CLCN5: variants seen among roughly 807,000 people sequenced by gnomAD.
CLCN5 encodes the protein Cl-/H+ antiporter 5.
CLCN5 carries 17 observed loss-of-function variants against 54.0 expected under a neutral mutation model. That is an observed-to-expected ratio of 0.31 (90% CI 0.22 to 0.47). The LOEUF is 0.47. CLCN5 is among the 20% of genes least tolerant of loss of function. CLCN5 has a pLI of 1.00. For synonymous variants in CLCN5, 222 were observed against 233.0 expected, an observed-to-expected ratio of 0.95 and a Z score of 0.43; for missense variants, 448 against 646.7, an observed-to-expected ratio of 0.69 and a Z score of 3.33.
chrX:49,939,744 A>T (rs1175984709), intron 3 of CLCN5, among the ~76,000 whole-genome samples: 3 of 111,370 alleles, frequency 2.7e-5, no homozygotes, highest in Non-Finnish European at 5.7e-5. Context: ...CATATGTAAC[A>T]AACCTGCACA....
intron 4 of CLCN5, among the ~76,000 whole-genome samples, chrX:50,052,536 G>A (rs2089957139): frequency 9.0e-6 from 1 of 111,219 alleles, no homozygotes. Context: ...TTTTCATATC[G>A]TTTAATGTTG....
At chrX:50,014,669 C>T (rs781957096) in intron 3 of CLCN5, 1 of 341,564 alleles carries the variant, frequency 2.9e-6, no homozygotes, top group Non-Finnish European at 5.9e-6. Flanking sequence ...GGCAAGGATT[C>T]AGAGAGGGGG....
intron 4 of CLCN5, among the ~76,000 whole-genome samples, chrX:50,047,529 A>G (rs185279773): frequency 9.0e-6 from 1 of 111,661 alleles, no homozygotes; most frequent in Admixed American, 9.5e-5. Context: ...GCCAAATTTT[A>G]GAATTGATGT....
intron 11 of CLCN5, among the ~76,000 whole-genome samples, chrX:50,088,140 C>A (rs901553264): frequency 8.9e-6 from 1 of 112,165 alleles, no homozygotes; most frequent in African/African-American, 3.2e-5. Context: ...TGGTTATGAG[C>A]ATTCCATTTA....
At chrX:49,957,938 T>C (rs782732274) in intron 3 of CLCN5, among the ~76,000 whole-genome samples, 76 of 109,381 alleles carry the variant, frequency 6.9e-4, no homozygotes, top group Non-Finnish European at 9.5e-4. Flanking sequence ...GCAGGGCTTA[T>C]TGATAGAGAG....
Position 50,072,475 on chromosome X carries a change from T to C in CLCN5, c.316-14T>C, listed in dbSNP as rs782426163. 1 of 1,130,795 alleles carries C rather than the reference T, an allele frequency of 8.8e-7. No individual in the cohort carries two copies. Among genetic ancestry groups the C allele is most frequent in the East Asian group, 3.0e-5 (1 of 33,516 alleles). The allele number at this position is 1,130,795 out of a possible 1,213,427, so 93.2% of individuals were successfully genotyped here. On this transcript the variant is annotated splice_polypyrimidine_tract_variant and intron_variant, in intron 5 of 14. Transcript: ENST00000376091. ...GTGTGTAGAGTGTACCAATGTTTTC[T>C]CATTTTCCCCTAGATTACCAATAAA...
chrX:50,026,986 G>A (rs1449878730), intron 3 of CLCN5, among the ~76,000 whole-genome samples: 1 of 107,246 alleles, frequency 9.3e-6, no homozygotes, highest in Admixed American at 9.9e-5. Context: ...ATTACTTTAT[G>A]TATTTCTTCT....
intron 4 of CLCN5, among the ~76,000 whole-genome samples, chrX:50,058,189 T>C (rs781821511): frequency 1.9e-4 from 21 of 111,798 alleles, no homozygotes; most frequent in Non-Finnish European, 3.6e-4. Flanking sequence ...CCCTGCCCCA[T>C]TTCTTTGAAT....
chrX:50,052,999 C>G lies in CLCN5; in HGVS notation c.163+10537C>G, dbSNP rs782017532. Reference sequence around the variant, plus strand: ...TTTGTGTATTTTGGGATTTCTAGCTCTCTTTGTTTAATTAATTAATCTCTA... The same window carrying G: ...TTTGTGTATTTTGGGATTTCTAGCTGTCTTTGTTTAATTAATTAATCTCTA... On this transcript the variant is annotated intron_variant, in intron 4 of 14. Transcript: ENST00000376091. Among the ~76,000 whole-genome samples, 4 of 111,710 alleles carry G rather than the reference C, an allele frequency of 3.6e-5. No homozygotes were observed. The East Asian group carries it at 1.1e-3, about 31-fold the overall frequency.
At chrX:49,992,208 CTTTTTTTT>C (rs200172433) in intron 3 of CLCN5, among the ~76,000 whole-genome samples, 1 of 84,219 alleles carries the variant, frequency 1.2e-5, no homozygotes, top group Non-Finnish European at 2.4e-5. Flanking sequence ...CTCTTTTTTT[CTTTTTTTT>C]TTTTTTTTGC....
intron 3 of CLCN5, among the ~76,000 whole-genome samples, chrX:49,930,241 T>G (rs1925573984): frequency 8.9e-6 from 1 of 112,008 alleles, no homozygotes; most frequent in Middle Eastern, 4.2e-3. Flanking sequence ...TGGCAAGGAC[T>G]CAAGGAAGCA....
intron 3 of CLCN5, among the ~76,000 whole-genome samples, chrX:50,000,865 A>G (rs1929765742): frequency 8.9e-6 from 1 of 111,946 alleles, no homozygotes; most frequent in African/African-American, 3.2e-5. Context: ...TCCATAGAAG[A>G]AAACTCACAC....
intron 3 of CLCN5, chrX:50,009,829 A>G (rs1557182228): frequency 1.3e-5 from 5 of 380,928 alleles, no homozygotes; most frequent in Admixed American, 1.3e-4. Context: ...AGAACAGAAG[A>G]TCTGTATGTC....
At chrX:50,027,880 T>A (rs1452327430) in intron 3 of CLCN5, among the ~76,000 whole-genome samples, 2 of 111,580 alleles carry the variant, frequency 1.8e-5, no homozygotes, top group Non-Finnish European at 3.8e-5. Context: ...TTGTTGTAAC[T>A]AAATGTGTCA....
At position 50,075,927 on chromosome X, in the gene CLCN5, G is replaced by C. The variant is rs782782590; in HGVS notation, c.548G>C (p.Arg183Thr). ...TCTGAGCATGTCACCTTTGAAGAGA[G>C]AGACAAATGTCCAGAGTGGAATAGT... ...WNSEHVTFEERDKCPEWNSWS... is the reference protein window; with the variant it reads ...WNSEHVTFEETDKCPEWNSWS... The change falls in exon 7 of 15, where the codon AGA becomes ACA. Residue 183 changes from arginine (R) to threonine (T), a missense_variant. Arg to Thr is a moderately conservative substitution (Grantham distance 71, BLOSUM62 -1). This residue lies in a region of CLCN5 where 41 missense variants were observed against 71.3 expected (regional missense o/e 0.58). Transcript: ENST00000376091. 3 of 1,211,644 alleles carry C rather than the reference G, an allele frequency of 2.5e-6. No homozygotes were observed. The South Asian group carries it at 5.3e-5, about 21-fold the overall frequency.
At chrX:49,949,212 A>T (rs1271449490) in intron 3 of CLCN5, among the ~76,000 whole-genome samples, 1 of 112,330 alleles carries the variant, frequency 8.9e-6, no homozygotes, top group Non-Finnish European at 1.9e-5. Context: ...GTTTGTCACA[A>T]TTGTGGGGAG....
chrX:49,925,391 C>T lies in CLCN5; in HGVS notation c.16+77C>T, dbSNP rs1424489673. ...TCTACCCTCACCCAACCGTTCCCCA[C>T]CCAGCCAATGGCAGGCAGCCAGCTG... On this transcript the variant is annotated intron_variant, in intron 3 of 14. Coordinates refer to ENST00000376091, the MANE Select transcript of CLCN5 (RefSeq NM_001127898.4). The T allele has an allele frequency of 5.1e-6, 5 of 982,167 alleles. No individual in the cohort carries two copies. The African/African-American group carries it at 9.4e-5, about 18-fold the overall frequency. 80.9% of individuals were successfully genotyped at this position (982,167 alleles called of 1,213,427 possible).
At chrX:49,932,645 T>C (rs1465515085) in intron 3 of CLCN5, among the ~76,000 whole-genome samples, 1 of 111,630 alleles carries the variant, frequency 9.0e-6, no homozygotes, top group East Asian at 2.8e-4. Flanking sequence ...TAATACTTCC[T>C]CAAGTACTCT....
At chrX:50,045,367 A>G (rs900837183) in intron 4 of CLCN5, among the ~76,000 whole-genome samples, 1 of 112,095 alleles carries the variant, frequency 8.9e-6, no homozygotes, top group Non-Finnish European at 1.9e-5. Flanking sequence ...ATACTGAGTC[A>G]GTTACACCAA....
Sources: allele counts gnomAD v4.1 joint callset (sites outside exome capture counted in the v4.1 genomes callset), GRCh38; gene constraint gnomAD v4.1.1; regional missense constraint gnomAD v4.1.1; transcripts MANE v1.5; gene names NCBI Gene and HGNC (gene_info 2026-07-23, HGNC 2026-07-21).